Variants in IQCH observed in about 807,000 individuals in gnomAD.
IQCH encodes the protein IQ domain-containing protein H.
IQCH carries 98 observed loss-of-function variants against 117.0 expected under a neutral mutation model. The ratio of observed to expected loss-of-function variants is 0.84; its 90% CI spans 0.71 to 0.99. IQCH has a LOEUF of 0.99. IQCH is among the 50% of genes least tolerant of loss of function. The pLI, the probability that IQCH is intolerant of heterozygous loss-of-function variation, is 0.00. For missense variants in IQCH, 1,102 were observed against 1,243.8 expected, an observed-to-expected ratio of 0.89 and a Z score of 1.72; for synonymous variants, 412 against 448.2, an observed-to-expected ratio of 0.92 and a Z score of 1.02.
chr15:67,301,436 GTCTCATTCTGT>G (rs1967034605), intron 4 of IQCH, among the ~76,000 whole-genome samples: 1 of 104,372 alleles, frequency 9.6e-6, no homozygotes, highest in Non-Finnish European at 1.8e-5. Context: ...TTGAAACCGA[GTCTCATTCTGT>G]TGCCCAGGCT....
Position 67,443,537 on chromosome 15 carries a change from T to C in IQCH, c.2506-21590T>C, listed in dbSNP as rs1567194046. 6.6e-6 allele frequency among the ~76,000 whole-genome samples: 1 copy of C among 152,146 alleles called. No individual in the cohort carries two copies. Among genetic ancestry groups the C allele is most frequent in the Non-Finnish European group, 1.5e-5 (1 of 68,022 alleles). On this transcript the variant is annotated intron_variant, in intron 16 of 20. Coordinates refer to ENST00000335894, the MANE Select transcript of IQCH (RefSeq NM_001031715.3). This position sits in a 1 kb window ranked among gnomAD's most constrained non-coding sequence, Gnocchi z 5.0. ...AAATCACCACAAAAGAACTTACTCA[T>C]GTAACCAAATACCACCTGTACCCCA...
chr15:67,300,411 A>G (rs1966966599), intron 4 of IQCH, among the ~76,000 whole-genome samples: 1 of 152,190 alleles, frequency 6.6e-6, no homozygotes, highest in African/African-American at 2.4e-5. Flanking sequence ...ACAAATGAGA[A>G]ATCTAGATCA....
chr15:67,467,832 G>A lies in IQCH; in HGVS notation c.2676+2535G>A, dbSNP rs2082972266. 1.3e-5 allele frequency among the ~76,000 whole-genome samples: 2 copies of A among 152,190 alleles called. No individual in the cohort carries two copies. Among genetic ancestry groups the A allele is most frequent in the African/African-American group, 4.8e-5 (2 of 41,450 alleles). ...ATGAAACCACAATGATAATGAGAGC[G>A]CATTCAAAACTAATGCCTATAAAAT... On this transcript the variant is annotated intron_variant, in intron 17 of 20. Transcript: ENST00000335894. This position sits in a 1 kb window ranked among gnomAD's most constrained non-coding sequence, Gnocchi z 5.7.
In IQCH at chr15:67,361,565, T is replaced by A. The variant is rs1237067501; in HGVS notation, c.753+1680T>A. Among the ~76,000 whole-genome samples, 4 of 152,222 alleles carry A rather than the reference T, an allele frequency of 2.6e-5. No homozygotes were observed. The East Asian group carries it at 7.7e-4, about 29-fold the overall frequency. On this transcript the variant is annotated intron_variant, in intron 8 of 20. Transcript: ENST00000335894. ...CTTCTGCCTAACTAATATAATTTAA[T>A]CTTTTCTCTATTCAATATCATGTAT...
In IQCH at chr15:67,433,427, A is replaced by T. The variant is rs868589561; in HGVS notation, c.2505+11850A>T. Among the ~76,000 whole-genome samples, 7 of 152,170 alleles carry T rather than the reference A, an allele frequency of 4.6e-5. No homozygotes were observed. Among genetic ancestry groups the T allele is most frequent in the Admixed American group, 3.9e-4 (6 of 15,276 alleles). Reference sequence around the variant, plus strand: ...TAAATGTTTGGTTAACCCCCCTTACACTGTAAACCTTCACACTGAGAAATA... The same window carrying T: ...TAAATGTTTGGTTAACCCCCCTTACTCTGTAAACCTTCACACTGAGAAATA... On this transcript the variant is annotated intron_variant, in intron 16 of 20. Coordinates refer to ENST00000335894, the MANE Select transcript of IQCH (RefSeq NM_001031715.3). This position sits in a 1 kb window ranked among gnomAD's most constrained non-coding sequence, Gnocchi z 5.4.
At chr15:67,289,749 G>A (rs1026470666) in intron 4 of IQCH, among the ~76,000 whole-genome samples, 30 of 152,240 alleles carry the variant, frequency 2.0e-4, no homozygotes, top group African/African-American at 6.7e-4. Context: ...TTTAGGGGTG[G>A]TACAAGTCAG....
intron 10 of IQCH, among the ~76,000 whole-genome samples, chr15:67,383,637 A>G (rs1340669371): frequency 1.3e-5 from 2 of 152,200 alleles, no homozygotes; most frequent in Admixed American, 1.3e-4. Context: ...AGATAAAATT[A>G]TACATATGCA....
At chr15:67,357,454 ATTC>A (rs760495284) in intron 7 of IQCH, 33 bp downstream of exon 7, 7 of 1,334,150 alleles carry the variant, frequency 5.2e-6, no homozygotes, top group Non-Finnish European at 7.6e-6. Context: ...AAAGAAAATT[ATTC>A]TTATTTACAG....
intron 4 of IQCH, among the ~76,000 whole-genome samples, chr15:67,316,573 A>T (rs981393970): frequency 6.6e-6 from 1 of 152,206 alleles, no homozygotes; most frequent in Non-Finnish European, 1.5e-5. Context: ...AAATTTAGCT[A>T]TAAAGCAATA....
At chr15:67,339,288 A>G (rs1969037262) in intron 5 of IQCH, among the ~76,000 whole-genome samples, 1 of 152,220 alleles carries the variant, frequency 6.6e-6, no homozygotes, top group Non-Finnish European at 1.5e-5. Context: ...GTGTTAAAGG[A>G]TAACTTTCAA....
chr15:67,361,859 A>C (rs952978775), intron 8 of IQCH, among the ~76,000 whole-genome samples: 2 of 152,208 alleles, frequency 1.3e-5, no homozygotes, highest in Non-Finnish European at 2.9e-5. Context: ...TCTAGTTCAA[A>C]GGTTTGAGGT....
At chr15:67,333,986 A>C (rs2140648172) in intron 4 of IQCH, among the ~76,000 whole-genome samples, 1 of 152,130 alleles carries the variant, frequency 6.6e-6, no homozygotes, top group South Asian at 2.1e-4. Flanking sequence ...TGAGCTCAGG[A>C]GGTGAAGGCT....
chr15:67,501,016 AAAG>A lies in IQCH; in HGVS notation c.*276_*278del, dbSNP rs1473029760. On this transcript the variant is annotated 3_prime_UTR_variant, in exon 21 of 21. Transcript: ENST00000335894. This position sits in a 1 kb window ranked among gnomAD's most constrained non-coding sequence, Gnocchi z 5.2. Reference sequence around the variant, plus strand: ...AAACTCAGAAAAAAGTAATCTGATAAAAGAAGAAAGTTAAAAGTCTTACTGATA... The same window carrying A: ...AAACTCAGAAAAAAGTAATCTGATAAAAGAAAGTTAAAAGTCTTACTGATA... 1.2e-4 allele frequency: 26 copies of A among 215,762 alleles called. 1 individual carries two copies. In the East Asian group the frequency reaches 2.6e-3, roughly 22 times the overall value. The allele number at this position is 215,762 out of a possible 1,614,324, so 13.4% of individuals were successfully genotyped here. A position where few individuals can be genotyped will look rare whatever the true frequency, so the allele number is the denominator to read the frequency against.
At chr15:67,299,670 G>A (rs1161117156) in intron 4 of IQCH, among the ~76,000 whole-genome samples, 1 of 152,016 alleles carries the variant, frequency 6.6e-6, no homozygotes, top group African/African-American at 2.4e-5. Flanking sequence ...CCACAGTCTG[G>A]ATTTATCTGA....
chr15:67,369,831 T>C lies in IQCH; in HGVS notation c.754-2280T>C, dbSNP rs536163045. Among the ~76,000 whole-genome samples, 20 of 152,300 alleles carry C rather than the reference T, an allele frequency of 1.3e-4. No individual in the cohort carries two copies. Among genetic ancestry groups the C allele is most frequent in the South Asian group, 4.2e-4 (2 of 4,818 alleles). ...TCTTGAGAGGCATGTCTTTTCTTGC[T>C]CCAAGTCTAAAGTGCTCCCAAGTGT... On this transcript the variant is annotated intron_variant, in intron 8 of 20. Transcript: ENST00000335894. The surrounding 1 kb of genome is among the most constrained non-coding windows in gnomAD (Gnocchi z 5.2).
chr15:67,462,438 A>AG (rs2082822132), intron 16 of IQCH, among the ~76,000 whole-genome samples: 2 of 151,872 alleles, frequency 1.3e-5, no homozygotes, highest in Admixed American at 1.3e-4. Flanking sequence ...AAAAAAAAAA[A>AG]AAAGAAAGAA....
At chr15:67,396,137 TTCA>T (rs1161831145) in intron 13 of IQCH, among the ~76,000 whole-genome samples, 5 of 152,200 alleles carry the variant, frequency 3.3e-5, no homozygotes, top group African/African-American at 1.2e-4. Flanking sequence ...CATGGATTAA[TTCA>T]TCATCATATC....
At position 67,484,156 on chromosome 15, in the gene IQCH, A is replaced by G. The variant is rs78787332; in HGVS notation, c.2800-5847A>G. Among the ~76,000 whole-genome samples the G allele has an allele frequency of 2.9e-3, 442 of 152,288 alleles. 14 individuals are homozygous for G. The East Asian group carries it at 0.069, about 24-fold the overall frequency. ...GTGGTTTATGCCTGTAATCCCAGGC[A>G]TGGGATTGGGAGGCTGAGGTAGGTA... On this transcript the variant is annotated intron_variant, in intron 18 of 20. Coordinates refer to ENST00000335894, the MANE Select transcript of IQCH (RefSeq NM_001031715.3).
chr15:67,433,005 A>T lies in IQCH; in HGVS notation c.2505+11428A>T, dbSNP rs1372708358. On this transcript the variant is annotated intron_variant, in intron 16 of 20. Transcript: ENST00000335894. This position sits in a 1 kb window ranked among gnomAD's most constrained non-coding sequence, Gnocchi z 5.4. ...TAGGGAAAGTATTTTATTTATATGG[A>T]AGAAGGCTAACAGAGTATATCTAAA... Among the ~76,000 whole-genome samples, 1 of 152,192 alleles carries T rather than the reference A, an allele frequency of 6.6e-6. No individual in the cohort carries two copies. Among genetic ancestry groups the T allele is most frequent in the Non-Finnish European group, 1.5e-5 (1 of 68,034 alleles).
Sources: allele counts gnomAD v4.1 joint callset (sites outside exome capture counted in the v4.1 genomes callset), GRCh38; gene constraint gnomAD v4.1.1; non-coding constraint Gnocchi (gnomAD v3.1); transcripts MANE v1.5; gene names NCBI Gene and HGNC (gene_info 2026-07-23, HGNC 2026-07-21).